ARB2A: variants seen among roughly 807,000 people sequenced by gnomAD.
ARB2A encodes cotranscriptional regulator ARB2A.
At chr5:93,832,015 A>T in the ARB2A span, among the ~76,000 whole-genome samples, 2 of 152,192 alleles carry the variant, frequency 1.3e-5, no homozygotes, top group Non-Finnish European at 2.9e-5. Flanking sequence ...TATAGGCTCA[A>T]CTAAACCATC....
chr5:93,627,739 C>A, the ARB2A span, among the ~76,000 whole-genome samples: 5 of 152,108 alleles, frequency 3.3e-5, no homozygotes, highest in Non-Finnish European at 7.3e-5. Flanking sequence ...CATGCCCAGC[C>A]ACAAAATGTA....
chr5:93,702,682 G>T, the ARB2A span, among the ~76,000 whole-genome samples: 1 of 152,202 alleles, frequency 6.6e-6, no homozygotes, highest in Non-Finnish European at 1.5e-5. Flanking sequence ...GGTGAAGTGG[G>T]CTTGATTCTC....
chr5:93,710,495 T>C, the ARB2A span, among the ~76,000 whole-genome samples: 26 of 152,308 alleles, frequency 1.7e-4, no homozygotes, highest in East Asian at 5.0e-3. Context: ...TACTAAGTGA[T>C]ATTTGCTAAC....
At chr5:93,676,767 C>T in the ARB2A span, among the ~76,000 whole-genome samples, 1 of 152,136 alleles carries the variant, frequency 6.6e-6, no homozygotes, top group Non-Finnish European at 1.5e-5. Flanking sequence ...AATCTTGTTT[C>T]CAAGAACAAA....
chr5:93,664,624 T>C, the ARB2A span, among the ~76,000 whole-genome samples: 3 of 148,768 alleles, frequency 2.0e-5, no homozygotes, highest in Non-Finnish European at 4.5e-5. Flanking sequence ...GAGCGAGACT[T>C]CGTCTCAAAA....
the ARB2A span, chr5:94,053,251 T>G: frequency 2.5e-6 from 3 of 1,187,840 alleles, no homozygotes; most frequent in South Asian, 4.4e-5. Context: ...GATATGAAAT[T>G]TACTTATATT....
chr5:94,055,556 T>TAA, the ARB2A span: 1 of 777,310 alleles, frequency 1.3e-6, no homozygotes, highest in Non-Finnish European at 1.6e-6. Flanking sequence ...ATCCCCAATA[T>TAA]AAAAAAAAAG....
chr5:93,788,351 G>T, the ARB2A span, among the ~76,000 whole-genome samples: 1 of 152,110 alleles, frequency 6.6e-6, no homozygotes, highest in Admixed American at 6.5e-5. Flanking sequence ...AGGGAGGTGC[G>T]GGAGGGCCGG....
chr5:93,887,800 T>C, the ARB2A span, among the ~76,000 whole-genome samples: 1 of 151,966 alleles, frequency 6.6e-6, no homozygotes, highest in Non-Finnish European at 1.5e-5. Flanking sequence ...CAAAATTAGC[T>C]GTCACCCTTT....
the ARB2A span, among the ~76,000 whole-genome samples, chr5:94,038,244 C>T: frequency 6.6e-6 from 1 of 151,952 alleles, no homozygotes; most frequent in African/African-American, 2.4e-5. Context: ...TTCTACCAAC[C>T]TATTTACTAC....
At chr5:93,643,302 G>T in the ARB2A span, among the ~76,000 whole-genome samples, 1 of 152,100 alleles carries the variant, frequency 6.6e-6, no homozygotes, top group Non-Finnish European at 1.5e-5. Context: ...CCAAAAGAGG[G>T]TAGGGAGTCC....
At chr5:93,751,752 G>A in the ARB2A span, among the ~76,000 whole-genome samples, 6 of 152,140 alleles carry the variant, frequency 3.9e-5, no homozygotes, top group South Asian at 2.1e-4. Context: ...CTTTGAAGAC[G>A]TATGTTTTGG....
the ARB2A span, among the ~76,000 whole-genome samples, chr5:94,000,698 T>C: frequency 6.6e-6 from 1 of 152,092 alleles, no homozygotes; most frequent in Admixed American, 6.6e-5. Context: ...GACTATACCT[T>C]TGGTGTTGCA....
the ARB2A span, chr5:94,056,020 A>T: frequency 1.5e-6 from 1 of 678,490 alleles, no homozygotes; most frequent in Admixed American, 6.3e-5. Context: ...TATCATATTC[A>T]CTGTCTTTCA....
the ARB2A span, among the ~76,000 whole-genome samples, chr5:94,082,780 A>G: frequency 1.3e-5 from 2 of 152,188 alleles, no homozygotes; most frequent in African/African-American, 4.8e-5. Flanking sequence ...GTATATTTAA[A>G]TAATCCTCAC....
chr5:93,980,429 T>G, the ARB2A span, among the ~76,000 whole-genome samples: 1 of 152,188 alleles, frequency 6.6e-6, no homozygotes, highest in Admixed American at 6.5e-5. Flanking sequence ...AATACCTAGG[T>G]GTAGGTTCAG....
chr5:93,884,609 A>G, the ARB2A span, among the ~76,000 whole-genome samples: 1 of 151,656 alleles, frequency 6.6e-6, no homozygotes. Context: ...CAAACTATTT[A>G]GAAAATATTT....
At chr5:93,781,337 T>C in the ARB2A span, among the ~76,000 whole-genome samples, 1 of 152,210 alleles carries the variant, frequency 6.6e-6, no homozygotes, top group African/African-American at 2.4e-5. Context: ...CTGTAAGATA[T>C]AATTTCATTC....
the ARB2A span, among the ~76,000 whole-genome samples, chr5:93,902,066 G>A: frequency 3.9e-5 from 6 of 152,022 alleles, no homozygotes; most frequent in African/African-American, 1.2e-4. Context: ...TTCAAGTGTA[G>A]TAGGTAGTAG....
Sources: allele counts gnomAD v4.1 joint callset (sites outside exome capture counted in the v4.1 genomes callset), GRCh38; gene constraint gnomAD v4.1.1; transcripts MANE v1.5; gene names NCBI Gene and HGNC (gene_info 2026-07-23, HGNC 2026-07-21).